DCC: variants seen among roughly 807,000 people sequenced by gnomAD.
DCC encodes netrin receptor DCC.
DCC carries 58 observed loss-of-function variants against 172.5 expected under a neutral mutation model. That is an observed-to-expected ratio of 0.34 (90% CI 0.27 to 0.42). The LOEUF (loss-of-function observed/expected upper bound fraction) is 0.42, where lower values mean the gene tolerates loss of function less well. Ranked by LOEUF, DCC falls within the 10% of genes least tolerant of loss-of-function variation. The pLI, the probability that DCC is intolerant of heterozygous loss-of-function variation, is 1.00. For synonymous variants in DCC, 709 were observed against 644.5 expected (o/e 1.10, Z -1.52); for missense variants, 1,740 against 1,791.0 (o/e 0.97, Z 0.51).
intron 1 of DCC, among the ~76,000 whole-genome samples, chr18:52,446,435 G>T (rs1213345559): frequency 6.6e-6 from 1 of 152,046 alleles, no homozygotes; most frequent in African/African-American, 2.4e-5. Flanking sequence ...TTCTTTTCCT[G>T]GCTTCAATAA....
intron 22 of DCC, among the ~76,000 whole-genome samples, chr18:53,440,512 T>A (rs1912209225): frequency 6.7e-6 from 1 of 148,800 alleles, no homozygotes; most frequent in East Asian, 2.0e-4. Context: ...TTTTTTTTTT[T>A]AGAATTCAAT....
chr18:52,808,484 A>G (rs2038130234), intron 2 of DCC, among the ~76,000 whole-genome samples: 1 of 152,204 alleles, frequency 6.6e-6, no homozygotes, highest in African/African-American at 2.4e-5. Flanking sequence ...ATGAAAAACA[A>G]AAGACAAAAT....
rs2056390908 is a variant in DCC, at chr18:53,248,447, C to G, written c.1911+32850C>G. Among the ~76,000 whole-genome samples the G allele has an allele frequency of 3.3e-5, 5 of 152,010 alleles. No homozygotes were observed. The South Asian group carries it at 1.0e-3, about 31-fold the overall frequency. ...GTAGCAATGGAAAACCACTTTCACT[C>G]TCTCCCACTGGAAGTGATCAAGAAC... is the stretch of plus-strand genomic sequence containing the variant. On this transcript the variant is annotated intron_variant, in intron 12 of 28. Coordinates refer to ENST00000442544, the MANE Select transcript of DCC (RefSeq NM_005215.4).
At chr18:52,528,352 A>T (rs1331488205) in intron 1 of DCC, among the ~76,000 whole-genome samples, 2 of 152,230 alleles carry the variant, frequency 1.3e-5, no homozygotes, top group Admixed American at 1.3e-4. Flanking sequence ...TGCTAGGAAC[A>T]GAAATTCACT....
At chr18:52,923,194 G>A (rs2040150795) in intron 3 of DCC, among the ~76,000 whole-genome samples, 1 of 152,030 alleles carries the variant, frequency 6.6e-6, no homozygotes, top group African/African-American at 2.4e-5. Flanking sequence ...TTCTAAGAAA[G>A]CAGTTATTTT....
At chr18:52,386,208 T>C (rs910175498) in intron 1 of DCC, among the ~76,000 whole-genome samples, 1 of 152,090 alleles carries the variant, frequency 6.6e-6, no homozygotes, top group African/African-American at 2.4e-5. Context: ...CAAATCTTTC[T>C]GAACCGCTAT....
At chr18:53,398,174 G>T (rs1909074568) in intron 18 of DCC, among the ~76,000 whole-genome samples, 1 of 152,046 alleles carries the variant, frequency 6.6e-6, no homozygotes, top group Non-Finnish European at 1.5e-5. Flanking sequence ...TATCATATTT[G>T]TGGGTAAACT....
intron 1 of DCC, among the ~76,000 whole-genome samples, chr18:52,451,132 A>G (rs2144516660): frequency 6.6e-6 from 1 of 152,302 alleles, no homozygotes; most frequent in East Asian, 1.9e-4. Flanking sequence ...TAAGGGAATT[A>G]GTGAGCACCA....
intron 1 of DCC, among the ~76,000 whole-genome samples, chr18:52,398,990 A>G (rs1308296073): frequency 6.6e-6 from 1 of 151,964 alleles, no homozygotes; most frequent in Non-Finnish European, 1.5e-5. Flanking sequence ...AAATAAATAA[A>G]TTTGCCATTA....
rs1568365813 is a variant in DCC, at chr18:53,207,701, C to T, written c.1745C>T (p.Ser582Phe). ...CAGAATATAGAGGTTGATGGACTAT[C>T]TTATAAACTGGAAGGCCTGAAAAAA... is the stretch of plus-strand genomic sequence containing the variant. ...KEQNIEVDGL[S>F]YKLEGLKKFT... The change falls in exon 11 of 29, where the codon TCT becomes TTT. Residue 582 changes from serine to phenylalanine, a missense_variant. By Grantham distance (155) the Ser-to-Phe change is radical. Coordinates refer to ENST00000442544, the MANE Select transcript of DCC (RefSeq NM_005215.4). The T allele has an allele frequency of 1.2e-6, 2 of 1,613,562 alleles. No homozygotes were observed. Among genetic ancestry groups the T allele is most frequent in the South Asian group, 2.2e-5 (2 of 91,072 alleles).
intron 1 of DCC, among the ~76,000 whole-genome samples, chr18:52,620,225 T>A (rs1195786821): frequency 6.6e-6 from 1 of 152,210 alleles, no homozygotes; most frequent in Non-Finnish European, 1.5e-5. Flanking sequence ...ACAATTTCTC[T>A]CCTTATCTGT....
intron 14 of DCC, among the ~76,000 whole-genome samples, chr18:53,328,497 TAAG>T (rs3059139): frequency 0.3 from 45,240 of 151,962 alleles, 8,580 homozygotes; most frequent in Non-Finnish European, 0.44. Flanking sequence ...TTTTGATACA[TAAG>T]AAGATCTCAG....
chr18:52,808,623 C>T (rs2145243151), intron 2 of DCC, among the ~76,000 whole-genome samples: 1 of 152,156 alleles, frequency 6.6e-6, no homozygotes, highest in East Asian at 1.9e-4. Flanking sequence ...AACACTGTTC[C>T]AAAATACAAT....
intron 22 of DCC, among the ~76,000 whole-genome samples, chr18:53,435,750 C>T (rs1911899920): frequency 6.6e-6 from 1 of 152,074 alleles, no homozygotes; most frequent in African/African-American, 2.4e-5. Context: ...GGAGCATGCC[C>T]AAATATCTGC....
chr18:53,014,245 A>G (rs577852536), intron 5 of DCC, among the ~76,000 whole-genome samples: 32 of 152,248 alleles, frequency 2.1e-4, no homozygotes, highest in African/African-American at 6.5e-4. Flanking sequence ...TCTTAAGCAT[A>G]TATTTGAAGT....
chr18:52,806,327 C>T (rs533613849), intron 2 of DCC, among the ~76,000 whole-genome samples: 1 of 152,182 alleles, frequency 6.6e-6, no homozygotes, highest in Non-Finnish European at 1.5e-5. Context: ...TACATTGATA[C>T]ATCATTATCA....
chr18:53,316,406 T>C (rs1405535196), intron 13 of DCC, among the ~76,000 whole-genome samples: 1 of 152,212 alleles, frequency 6.6e-6, no homozygotes, highest in African/African-American at 2.4e-5. Context: ...AGCTTCGTTG[T>C]TTCTGCTTAG....
At chr18:52,565,367 T>G (rs2033135961) in intron 1 of DCC, among the ~76,000 whole-genome samples, 1 of 152,148 alleles carries the variant, frequency 6.6e-6, no homozygotes, top group East Asian at 1.9e-4. Flanking sequence ...GTAACGGGAT[T>G]GCTGGATCAA....
At chr18:52,735,102 T>A (rs551503077) in intron 1 of DCC, among the ~76,000 whole-genome samples, 1 of 152,288 alleles carries the variant, frequency 6.6e-6, no homozygotes, top group Non-Finnish European at 1.5e-5. Flanking sequence ...GATACAGATG[T>A]TCTAATTTTG....
Sources: gnomAD v4.1 joint callset for allele counts (sites outside exome capture counted in the v4.1 genomes callset) on GRCh38, gnomAD v4.1.1 for gene constraint, MANE v1.5 for transcripts, NCBI Gene and HGNC (gene_info 2026-07-23, HGNC 2026-07-21) for gene names.